TAS2R1: variants seen among roughly 807,000 people sequenced by gnomAD.
The protein encoded by TAS2R1 is taste 2 receptor member 1, also known as taste receptor type 2 member 1.
For synonymous variants in TAS2R1, 141 were observed against 134.2 expected (o/e 1.05, Z -0.35); for missense variants, 370 against 353.4 (o/e 1.05, Z -0.38).
intron 1 of TAS2R1, among the ~76,000 whole-genome samples, chr5:9,704,426 C>A (rs190906247): frequency 7.4e-4 from 113 of 151,820 alleles, no homozygotes; most frequent in African/African-American, 2.6e-3. Context: ...CCATGAGCTG[C>A]AAGCTGGCTG....
At chr5:9,813,650 T>G in the TAS2R1 span, among the ~76,000 whole-genome samples, 4 of 152,230 alleles carry the variant, frequency 2.6e-5, no homozygotes, top group African/African-American at 9.6e-5. Flanking sequence ...TATAGATTCC[T>G]TAGCCTGTAT....
chr5:9,872,418 A>G, the TAS2R1 span, among the ~76,000 whole-genome samples: 212 of 152,316 alleles, frequency 1.4e-3, 1 homozygote, highest in African/African-American at 4.9e-3. Flanking sequence ...TTTTAAAAAA[A>G]CCCCTTTGCT....
the TAS2R1 span, among the ~76,000 whole-genome samples, chr5:9,844,821 C>T: frequency 2.6e-4 from 40 of 152,072 alleles, no homozygotes; most frequent in Non-Finnish European, 5.0e-4. Flanking sequence ...AAACCAGAGC[C>T]AGGATGAAAG....
At chr5:9,863,264 A>ATT in the TAS2R1 span, among the ~76,000 whole-genome samples, 86 of 126,508 alleles carry the variant, frequency 6.8e-4, no homozygotes, top group Middle Eastern at 4.2e-3. Flanking sequence ...AGACCCAAAG[A>ATT]TTTTTTTTTT....
At chr5:9,639,811 A>G (rs187336489) in intron 2 of TAS2R1, among the ~76,000 whole-genome samples, 41 of 152,292 alleles carry the variant, frequency 2.7e-4, no homozygotes, top group African/African-American at 9.9e-4. Context: ...CACCTCTCTC[A>G]GTCTCATACA....
At chr5:9,845,063 T>G in the TAS2R1 span, among the ~76,000 whole-genome samples, 1 of 152,230 alleles carries the variant, frequency 6.6e-6, no homozygotes, top group Non-Finnish European at 1.5e-5. Flanking sequence ...CCAAAATTCC[T>G]ACATTGAAGC....
At chr5:9,782,011 G>C in the TAS2R1 span, among the ~76,000 whole-genome samples, 5 of 152,314 alleles carry the variant, frequency 3.3e-5, no homozygotes, top group African/African-American at 1.2e-4. Flanking sequence ...CAAGCACATA[G>C]AATAGCATCT....
At chr5:9,775,002 G>C in the TAS2R1 span, among the ~76,000 whole-genome samples, 13 of 152,324 alleles carry the variant, frequency 8.5e-5, no homozygotes, top group East Asian at 2.1e-3. Flanking sequence ...TTAGGCTTCT[G>C]TCCTTCCCTT....
the TAS2R1 span, among the ~76,000 whole-genome samples, chr5:9,880,165 A>G: frequency 3.3e-5 from 5 of 152,166 alleles, no homozygotes; most frequent in Non-Finnish European, 5.9e-5. Context: ...AAGAGGAAAA[A>G]TATTTACCTC....
upstream of TAS2R1, among the ~76,000 whole-genome samples, chr5:9,634,192 T>C (rs1739926342): frequency 6.6e-6 from 1 of 152,122 alleles, no homozygotes; most frequent in Non-Finnish European, 1.5e-5. Flanking sequence ...ATTTGTTGAA[T>C]ATGGTGTCCT....
chr5:9,824,791 G>A, the TAS2R1 span, among the ~76,000 whole-genome samples: 26 of 148,128 alleles, frequency 1.8e-4, no homozygotes, highest in Admixed American at 1.4e-3. Flanking sequence ...AGGTTGCAGC[G>A]AGCCAAGATC....
At chr5:9,823,675 A>G in the TAS2R1 span, among the ~76,000 whole-genome samples, 2 of 121,758 alleles carry the variant, frequency 1.6e-5, no homozygotes, top group Non-Finnish European at 3.4e-5. Flanking sequence ...AAAGGAAGGA[A>G]GGGAAGGAAA....
At chr5:9,822,898 T>C in the TAS2R1 span, among the ~76,000 whole-genome samples, 1 of 151,560 alleles carries the variant, frequency 6.6e-6, no homozygotes, top group African/African-American at 2.4e-5. Flanking sequence ...TTTTAAAAGA[T>C]ACTATGACAG....
intron 2 of TAS2R1, among the ~76,000 whole-genome samples, chr5:9,655,956 T>C (rs772653506): frequency 1.4e-4 from 22 of 152,194 alleles, no homozygotes; most frequent in Admixed American, 3.3e-4. Flanking sequence ...GTTATCAACT[T>C]GGACACCACT....
chr5:9,685,082 C>T (rs1437871038), intron 1 of TAS2R1, among the ~76,000 whole-genome samples: 4 of 152,112 alleles, frequency 2.6e-5, no homozygotes, highest in Non-Finnish European at 4.4e-5. Flanking sequence ...TTCATAAGCC[C>T]ATGGACTGTA....
At chr5:9,667,052 C>A (rs1315855427) in intron 1 of TAS2R1, among the ~76,000 whole-genome samples, 1 of 152,080 alleles carries the variant, frequency 6.6e-6, no homozygotes, top group Admixed American at 6.6e-5. Context: ...CTACATGAGA[C>A]ATGAAATATT....
the TAS2R1 span, among the ~76,000 whole-genome samples, chr5:9,851,100 C>G: frequency 1.3e-5 from 2 of 152,144 alleles, no homozygotes; most frequent in Admixed American, 1.3e-4. Flanking sequence ...TGCAAGACAG[C>G]TGGATAAAGG....
At chr5:9,777,363 A>T in the TAS2R1 span, among the ~76,000 whole-genome samples, 1 of 152,252 alleles carries the variant, frequency 6.6e-6, no homozygotes, top group African/African-American at 2.4e-5. Context: ...TGCCAGGAGT[A>T]GATTCCCTCT....
At chr5:9,720,088 T>A in the TAS2R1 span, among the ~76,000 whole-genome samples, 1 of 152,194 alleles carries the variant, frequency 6.6e-6, no homozygotes, top group Non-Finnish European at 1.5e-5. Context: ...CTCATCTTAC[T>A]CAACATTTCC....
Sources: allele counts gnomAD v4.1 joint callset (sites outside exome capture counted in the v4.1 genomes callset), GRCh38; gene constraint gnomAD v4.1.1; transcripts MANE v1.5; gene names NCBI Gene and HGNC (gene_info 2026-07-23, HGNC 2026-07-21).